Variants in PHACTR3 observed in about 807,000 individuals in gnomAD.
The protein encoded by PHACTR3 is protein phosphatase 1, regulatory subunit 123.
PHACTR3 carries 16 observed loss-of-function variants against 66.8 expected under a neutral mutation model. The ratio of observed to expected loss-of-function variants is 0.24; its 90% confidence interval spans 0.16 to 0.36. The LOEUF (loss-of-function observed/expected upper bound fraction) is 0.36, where lower values mean the gene tolerates loss of function less well. PHACTR3 is among the 10% of genes least tolerant of loss of function. PHACTR3 has a pLI of 1.00. For synonymous variants in PHACTR3, 323 were observed against 292.1 expected (o/e 1.11, Z -1.08); for missense variants, 647 against 719.9 (o/e 0.90, Z 1.16).
chr20:59,585,403 C>T (rs751316625), intron 1 of PHACTR3, among the ~76,000 whole-genome samples: 4 of 152,092 alleles, frequency 2.6e-5, no homozygotes, highest in Admixed American at 6.5e-5. Context: ...GACCCAGGCA[C>T]GTTTTTCTTT....
intron 7 of PHACTR3, among the ~76,000 whole-genome samples, chr20:59,779,305 G>A (rs1180954759): frequency 1.3e-5 from 2 of 152,178 alleles, no homozygotes; most frequent in African/African-American, 2.4e-5. Flanking sequence ...GAGATAAAAT[G>A]CTGTGGGAAA....
chr20:59,802,873 A>G (rs751569371), intron 7 of PHACTR3, among the ~76,000 whole-genome samples: 49 of 152,350 alleles, frequency 3.2e-4, no homozygotes, highest in Middle Eastern at 6.8e-3. Flanking sequence ...AGTTTTGCCA[A>G]TAAAGAGTTC....
intron 1 of PHACTR3, among the ~76,000 whole-genome samples, chr20:59,737,919 C>T (rs761951063): frequency 3.9e-5 from 6 of 152,176 alleles, no homozygotes; most frequent in Non-Finnish European, 5.9e-5. Flanking sequence ...CTCGCCAGCC[C>T]TCAGCTCTGC....
chr20:59,775,573 A>G (rs955080277), intron 7 of PHACTR3, among the ~76,000 whole-genome samples: 2 of 152,094 alleles, frequency 1.3e-5, no homozygotes, highest in African/African-American at 4.8e-5. Flanking sequence ...ATGTGGCTGC[A>G]CAACATGAAA....
chr20:59,652,018 A>G (rs1331066721), intron 1 of PHACTR3, among the ~76,000 whole-genome samples: 1 of 152,164 alleles, frequency 6.6e-6, no homozygotes, highest in African/African-American at 2.4e-5. Context: ...CTGATGGTGT[A>G]ATTCTAGTCT....
At chr20:59,674,705 G>GCCCCCCCTTCTGCTGT (rs2036360184) in intron 1 of PHACTR3, among the ~76,000 whole-genome samples, 1 of 32,366 alleles carries the variant, frequency 3.1e-5, no homozygotes, top group Non-Finnish European at 5.0e-5. Flanking sequence ...GCCTTCTCCT[G>GCCCCCCCTTCTGCTGT]TCCCCCCTTC....
intron 1 of PHACTR3, among the ~76,000 whole-genome samples, chr20:59,668,522 C>A (rs1192157769): frequency 7.9e-5 from 12 of 152,152 alleles, no homozygotes; most frequent in Non-Finnish European, 1.3e-4. Context: ...GATGTCATTT[C>A]AATTTGTTTC....
At chr20:59,812,604 C>T (rs1201369513) in intron 8 of PHACTR3, among the ~76,000 whole-genome samples, 3 of 152,210 alleles carry the variant, frequency 2.0e-5, no homozygotes, top group Admixed American at 1.3e-4. Flanking sequence ...AGGCGGAAAC[C>T]GTGCCTGGCC....
At chr20:59,654,733 T>C (rs1325431013) in intron 1 of PHACTR3, among the ~76,000 whole-genome samples, 1 of 152,120 alleles carries the variant, frequency 6.6e-6, no homozygotes, top group Non-Finnish European at 1.5e-5. Flanking sequence ...TTTTCCCAGT[T>C]TACTCTTCGA....
intron 2 of PHACTR3, among the ~76,000 whole-genome samples, chr20:59,746,318 C>T (rs1256273098): frequency 6.6e-6 from 1 of 152,218 alleles, no homozygotes; most frequent in Non-Finnish European, 1.5e-5. Context: ...ACTTATTCCT[C>T]CTCGCCCACT....
intron 1 of PHACTR3, among the ~76,000 whole-genome samples, chr20:59,723,376 G>T (rs908948097): frequency 1.3e-5 from 2 of 152,048 alleles, no homozygotes; most frequent in Non-Finnish European, 1.5e-5. Context: ...ACAGTGTGGG[G>T]TGTGCTGTGG....
chr20:59,746,958 G>T lies in PHACTR3; in HGVS notation c.281-800G>T, dbSNP rs138492761. On this transcript the variant is annotated intron_variant, in intron 2 of 12. Coordinates refer to ENST00000371015, the MANE Select transcript of PHACTR3 (RefSeq NM_080672.5). ...GCAAAGCTGCATCTTTCAAAGAAAGGGTTGAGGTGGTTATGTAGTCTTGTA... is the reference window on the plus strand; with the variant it reads ...GCAAAGCTGCATCTTTCAAAGAAAGTGTTGAGGTGGTTATGTAGTCTTGTA... 3.1e-3 allele frequency among the ~76,000 whole-genome samples: 465 copies of T among 149,876 alleles called. 1 individual carries two copies. Among genetic ancestry groups the T allele is most frequent in the African/African-American group, 0.011 (430 of 40,346 alleles).
chr20:59,708,190 C>A (rs2037781419), intron 1 of PHACTR3, among the ~76,000 whole-genome samples: 1 of 152,192 alleles, frequency 6.6e-6, no homozygotes, highest in Non-Finnish European at 1.5e-5. Context: ...CAATGGACTG[C>A]TGATGGGGAC....
rs759238957 is a variant in PHACTR3 at position 59,747,758 on chromosome 20, C to T, written c.281C>T (p.Ala94Val). 55 of 1,613,644 alleles carry T rather than the reference C, an allele frequency of 3.4e-5. No homozygotes were observed. Among genetic ancestry groups the T allele is most frequent in the African/African-American group, 2.5e-4 (19 of 75,014 alleles). ...ACCTGTGTGTTTGTGTGTTGGGCAG[C>T]GCTGGAGAAGAAGATGGCCGGCAGG... ...KNEKLKQTTS[A>V]LEKKMAGRQG... is the part of the protein sequence containing the mutation. The change falls in exon 3 of 13, where the codon GCG becomes GTG. Residue 94 changes from alanine to valine, a missense_variant and splice_region_variant. Ala to Val is a moderately conservative substitution (Grantham distance 64, BLOSUM62 0). Transcript: ENST00000371015.
At chr20:59,680,478 G>A (rs893943091) in intron 1 of PHACTR3, among the ~76,000 whole-genome samples, 1 of 152,080 alleles carries the variant, frequency 6.6e-6, no homozygotes, top group Non-Finnish European at 1.5e-5. Context: ...AACTGCAACC[G>A]CCTGCGAACA....
chr20:59,577,559 G>A (rs1470072504), exon 1 of PHACTR3: 41 of 1,197,014 alleles, frequency 3.4e-5, no homozygotes, highest in Non-Finnish European at 4.1e-5. Context: ...CCCTGCGCTC[G>A]CTGCTGGGCG....
intron 7 of PHACTR3, among the ~76,000 whole-genome samples, chr20:59,776,092 C>A (rs2040526817): frequency 6.6e-6 from 1 of 152,208 alleles, no homozygotes; most frequent in African/African-American, 2.4e-5. Flanking sequence ...AGTCCCTTAT[C>A]CACTCCAGGA....
chr20:59,602,185 A>G (rs1231247967), upstream of PHACTR3, among the ~76,000 whole-genome samples: 1 of 152,084 alleles, frequency 6.6e-6, no homozygotes, highest in Admixed American at 6.5e-5. Context: ...CCAAGAGTGG[A>G]CTCAGGTATT....
chr20:59,624,288 T>C (rs2034368126), intron 1 of PHACTR3, among the ~76,000 whole-genome samples: 1 of 152,100 alleles, frequency 6.6e-6, no homozygotes, highest in Non-Finnish European at 1.5e-5. Flanking sequence ...GGTGGACTGC[T>C]CCACACCTGC....
Sources: gnomAD v4.1 joint callset for allele counts (sites outside exome capture counted in the v4.1 genomes callset) on GRCh38, gnomAD v4.1.1 for gene constraint, MANE v1.5 for transcripts, NCBI Gene and HGNC (gene_info 2026-07-23, HGNC 2026-07-21) for gene names.